Variants in PRP4K observed in about 807,000 individuals in gnomAD.
PRP4K encodes the protein pre-mRNA processing factor kinase PRP4K, also known as serine/threonine-protein kinase PRP4 homolog.
the PRP4K span, among the ~76,000 whole-genome samples, chr6:4,051,456 A>G: frequency 1.3e-5 from 2 of 151,802 alleles, no homozygotes; most frequent in East Asian, 1.9e-4. Context: ...AGCTGGGACT[A>G]CAGGCACCCG....
the PRP4K span, among the ~76,000 whole-genome samples, chr6:4,034,346 C>A: frequency 6.6e-6 from 1 of 152,078 alleles, no homozygotes; most frequent in Non-Finnish European, 1.5e-5. Flanking sequence ...AGGTTGGTTC[C>A]AGTTTTTCAC....
chr6:4,022,126 G>A, the PRP4K span, among the ~76,000 whole-genome samples: 2 of 143,364 alleles, frequency 1.4e-5, no homozygotes, highest in African/African-American at 5.1e-5. Flanking sequence ...GGCAAAGTAA[G>A]ATAGAGTCTT....
At chr6:4,039,679 C>T in the PRP4K span, among the ~76,000 whole-genome samples, 1 of 152,152 alleles carries the variant, frequency 6.6e-6, no homozygotes. Flanking sequence ...CTGACTGTTT[C>T]TGATTTACCT....
chr6:4,043,037 T>G, the PRP4K span, among the ~76,000 whole-genome samples: 3 of 152,174 alleles, frequency 2.0e-5, no homozygotes, highest in Admixed American at 6.5e-5. Flanking sequence ...TGAAGAAGAT[T>G]GGGTGGGGAA....
the PRP4K span, among the ~76,000 whole-genome samples, chr6:4,038,263 G>T: frequency 6.6e-6 from 1 of 152,020 alleles, no homozygotes; most frequent in African/African-American, 2.4e-5. Flanking sequence ...TGGTCTGAGT[G>T]CACTCTGGTC....
the PRP4K span, among the ~76,000 whole-genome samples, chr6:4,027,613 T>TGGG: frequency 2.6e-4 from 10 of 38,554 alleles, no homozygotes; most frequent in African/African-American, 6.2e-4. Context: ...GGGGGTGGGG[T>TGGG]GGGGGTTGGT....
chr6:4,058,777 A>G, the PRP4K span: 2 of 1,613,158 alleles, frequency 1.2e-6, no homozygotes, highest in Non-Finnish European at 1.7e-6. Context: ...CAAAATCTCA[A>G]CTTCATGTAC....
chr6:4,055,127 C>T, the PRP4K span, among the ~76,000 whole-genome samples: 31 of 152,288 alleles, frequency 2.0e-4, 1 homozygote, highest in African/African-American at 6.7e-4. Context: ...TTCCTCATGA[C>T]AGGAGCAGAA....
the PRP4K span, among the ~76,000 whole-genome samples, chr6:4,051,029 C>A: frequency 6.6e-6 from 1 of 152,242 alleles, no homozygotes; most frequent in East Asian, 1.9e-4. Flanking sequence ...GCTTCCTCAG[C>A]CTCCCAAGTA....
the PRP4K span, among the ~76,000 whole-genome samples, chr6:4,050,961 G>T: frequency 6.6e-6 from 1 of 152,116 alleles, no homozygotes; most frequent in African/African-American, 2.4e-5. Flanking sequence ...GAGTGCAGTG[G>T]CATGGTGGCA....
the PRP4K span, chr6:4,037,559 T>G: frequency 3.1e-6 from 5 of 1,613,166 alleles, no homozygotes; most frequent in Non-Finnish European, 4.2e-6. Context: ...GAAGCAGATC[T>G]CCTCGGAGAA....
At chr6:4,032,599 A>G in the PRP4K span, 2 of 1,614,062 alleles carry the variant, frequency 1.2e-6, no homozygotes, top group South Asian at 2.2e-5. Context: ...AAACCACGTG[A>G]TAAATCAAGA....
the PRP4K span, chr6:4,031,902 G>A: frequency 1.2e-6 from 2 of 1,614,014 alleles, no homozygotes; most frequent in Admixed American, 3.3e-5. Flanking sequence ...GGAAGGAAAG[G>A]TCCAGTCTGG....
chr6:4,021,814 G>A, the PRP4K span, among the ~76,000 whole-genome samples: 1 of 152,290 alleles, frequency 6.6e-6, no homozygotes, highest in African/African-American at 2.4e-5. Context: ...CTCCCTGGCC[G>A]CAGCTCTTAG....
At chr6:4,057,015 A>C in the PRP4K span, 1 of 1,532,058 alleles carries the variant, frequency 6.5e-7, no homozygotes, top group Non-Finnish European at 8.8e-7. Flanking sequence ...TCGTATATTA[A>C]AACTTTGATT....
chr6:4,042,399 G>A, the PRP4K span: 3 of 990,532 alleles, frequency 3.0e-6, no homozygotes, highest in Non-Finnish European at 4.6e-6. Flanking sequence ...CTAACTTACT[G>A]ATACCTACAT....
the PRP4K span, among the ~76,000 whole-genome samples, chr6:4,023,477 G>C: frequency 6.6e-6 from 1 of 152,152 alleles, no homozygotes; most frequent in South Asian, 2.1e-4. Flanking sequence ...GCTAACTATT[G>C]TACTGTCTGG....
At chr6:4,049,087 C>G in the PRP4K span, 4 of 1,611,172 alleles carry the variant, frequency 2.5e-6, no homozygotes, top group Non-Finnish European at 2.5e-6. Flanking sequence ...ATAACTGGAC[C>G]GATGCAGAAG....
At chr6:4,026,330 T>C in the PRP4K span, among the ~76,000 whole-genome samples, 13 of 113,468 alleles carry the variant, frequency 1.1e-4, no homozygotes, top group East Asian at 3.5e-3. Flanking sequence ...GGAGACAGAG[T>C]CTTGTTCTGC....
Sources: allele counts gnomAD v4.1 joint callset (sites outside exome capture counted in the v4.1 genomes callset), GRCh38; gene constraint gnomAD v4.1.1; transcripts MANE v1.5; gene names NCBI Gene and HGNC (gene_info 2026-07-23, HGNC 2026-07-21).